Variants in EPHA6 observed in about 807,000 individuals in gnomAD.
EPHA6 encodes ephrin type-A receptor 6.
Under a neutral mutation model 112.0 loss-of-function variants are expected in EPHA6, and 50 were observed. The ratio of observed to expected loss-of-function variants is 0.45; its 90% confidence interval spans 0.36 to 0.56. The LOEUF (loss-of-function observed/expected upper bound fraction) is 0.56, where lower values mean the gene tolerates loss of function less well. Among genes scored for constraint, EPHA6 ranks in the 20% least tolerant of loss-of-function variants. The probability of loss-of-function intolerance (pLI) is 0.00; values close to 1 mark genes in which losing one functional copy is unlikely to be tolerated. For synonymous variants in EPHA6, 529 were observed against 490.7 expected (o/e 1.08, Z -1.03); for missense variants, 1,280 against 1,417.4 (o/e 0.90, Z 1.56).
chr3:97,174,701 A>T (rs995461061), intron 3 of EPHA6, among the ~76,000 whole-genome samples: 6 of 151,814 alleles, frequency 4.0e-5, no homozygotes, highest in African/African-American at 1.4e-4. Context: ...GTCCTCTAAG[A>T]AATGTCTATT....
chr3:96,816,226 G>A (rs946531902), intron 1 of EPHA6, among the ~76,000 whole-genome samples: 9 of 152,100 alleles, frequency 5.9e-5, no homozygotes, highest in Admixed American at 2.0e-4. Flanking sequence ...TTTATACAGT[G>A]GTACTTTGGC....
At chr3:97,489,767 TA>T (rs904617191) in intron 10 of EPHA6, among the ~76,000 whole-genome samples, 7 of 152,214 alleles carry the variant, frequency 4.6e-5, no homozygotes, top group Middle Eastern at 6.8e-3. Context: ...TATTTTTTGT[TA>T]AAAAACTCAA....
rs1221687957 is a variant in EPHA6, at chr3:97,719,079, G to GCC, written c.2785-1175_2785-1174dup. Among the ~76,000 whole-genome samples the GCC allele has an allele frequency of 1.4e-3, 59 of 41,164 alleles. 1 individual carries two copies. Among genetic ancestry groups the GCC allele is most frequent in the African/African-American group, 3.5e-3 (55 of 15,810 alleles). 27.0% of individuals were successfully genotyped at this position (41,164 alleles called of 152,430 possible). On this transcript the variant is annotated intron_variant, in intron 14 of 17. Coordinates refer to ENST00000389672, the MANE Select transcript of EPHA6 (RefSeq NM_001080448.3). ...TCCCATTTTGGATGAATCCGTTCCC[G>GCC]CCCCCCCCACCCCCCCCCCCACCCC...
At chr3:97,219,758 G>T (rs540903775) in intron 3 of EPHA6, among the ~76,000 whole-genome samples, 4 of 152,300 alleles carry the variant, frequency 2.6e-5, no homozygotes, top group South Asian at 2.1e-4. Context: ...CTCCTTGTTA[G>T]TTATGCAAAT....
intron 3 of EPHA6, among the ~76,000 whole-genome samples, chr3:97,187,731 AAG>A (rs904664581): frequency 2.0e-5 from 3 of 149,916 alleles, no homozygotes; most frequent in Non-Finnish European, 3.0e-5. Flanking sequence ...GAAAGAAAGA[AAG>A]AAAGAAAGAA....
At chr3:96,911,905 C>CT (rs919782159) in intron 2 of EPHA6, among the ~76,000 whole-genome samples, 14 of 151,520 alleles carry the variant, frequency 9.2e-5, no homozygotes, top group Admixed American at 2.0e-4. Context: ...AAATTGTTTG[C>CT]TTTTTTTTAC....
At chr3:97,544,317 GTC>G (rs1401728319) in intron 11 of EPHA6, among the ~76,000 whole-genome samples, 3 of 151,952 alleles carry the variant, frequency 2.0e-5, no homozygotes, top group Non-Finnish European at 4.4e-5. Flanking sequence ...GTTGAATTTT[GTC>G]AAAGGCCTTT....
chr3:97,179,095 T>A (rs1020758255), intron 3 of EPHA6, among the ~76,000 whole-genome samples: 1 of 152,084 alleles, frequency 6.6e-6, no homozygotes, highest in Non-Finnish European at 1.5e-5. Context: ...AACTGTGTAT[T>A]TTCAAATAAC....
Position 97,740,603 on chromosome 3 carries a change from A to G in EPHA6, c.3128+4485A>G, listed in dbSNP as rs1209134192. Among the ~76,000 whole-genome samples, 2 of 152,134 alleles carry G rather than the reference A, an allele frequency of 1.3e-5. 1 individual carries two copies. Among genetic ancestry groups the G allele is most frequent in the Admixed American group, 1.3e-4 (2 of 15,264 alleles). ...AACTTTAAAGCACTTAGTTTCCAGT[A>G]ATATGTGAATCATGAAGGTAGGGAA... On this transcript the variant is annotated intron_variant, in intron 16 of 17. Transcript: ENST00000389672.
At chr3:96,868,944 A>C (rs2036482636) in intron 2 of EPHA6, among the ~76,000 whole-genome samples, 2 of 151,976 alleles carry the variant, frequency 1.3e-5, no homozygotes, top group South Asian at 4.1e-4. Context: ...CAGACTGATA[A>C]ATAGTCATTT....
chr3:96,952,774 G>A (rs2041600803), intron 2 of EPHA6, among the ~76,000 whole-genome samples: 1 of 152,040 alleles, frequency 6.6e-6, no homozygotes, highest in Non-Finnish European at 1.5e-5. Context: ...ATCAAATACT[G>A]CATGTTGTCA....
At chr3:97,557,880 T>C (rs2093135404) in intron 11 of EPHA6, among the ~76,000 whole-genome samples, 1 of 151,856 alleles carries the variant, frequency 6.6e-6, no homozygotes, top group Non-Finnish European at 1.5e-5. Context: ...CTCATTATAA[T>C]CCCTTAAGAA....
At chr3:97,500,849 A>G (rs1354331220) in intron 10 of EPHA6, among the ~76,000 whole-genome samples, 1 of 152,192 alleles carries the variant, frequency 6.6e-6, no homozygotes, top group Non-Finnish European at 1.5e-5. Flanking sequence ...TAATTTCTGT[A>G]AAACCTTTAA....
At chr3:97,100,340 A>G (rs1190675797) in intron 3 of EPHA6, among the ~76,000 whole-genome samples, 2 of 151,448 alleles carry the variant, frequency 1.3e-5, no homozygotes, top group Admixed American at 1.3e-4. Flanking sequence ...TTAATGCAAT[A>G]CTATATATTT....
intron 5 of EPHA6, among the ~76,000 whole-genome samples, chr3:97,299,182 G>A (rs1559861439): frequency 1.7e-5 from 2 of 120,660 alleles, no homozygotes; most frequent in Non-Finnish European, 3.2e-5. Context: ...TGATGATCAG[G>A]ATGTGTGTGT....
chr3:97,302,715 C>T (rs924204317), intron 5 of EPHA6, among the ~76,000 whole-genome samples: 1 of 151,844 alleles, frequency 6.6e-6, no homozygotes, highest in African/African-American at 2.4e-5. Flanking sequence ...GTTAAAGGCA[C>T]AGCAAGACTT....
At chr3:97,202,137 C>T (rs2077591361) in intron 3 of EPHA6, among the ~76,000 whole-genome samples, 1 of 151,940 alleles carries the variant, frequency 6.6e-6, no homozygotes, top group Non-Finnish European at 1.5e-5. Flanking sequence ...ATGAATATTG[C>T]CCCTCAGATA....
intron 3 of EPHA6, among the ~76,000 whole-genome samples, chr3:97,157,950 A>G (rs1210567025): frequency 1.3e-5 from 2 of 152,184 alleles, no homozygotes; most frequent in Non-Finnish European, 2.9e-5. Context: ...AAGTTGACAC[A>G]AAAAATTAAT....
chr3:97,378,443 G>T (rs57889880), intron 5 of EPHA6, among the ~76,000 whole-genome samples: 1 of 152,108 alleles, frequency 6.6e-6, no homozygotes, highest in Non-Finnish European at 1.5e-5. Flanking sequence ...AGTCCCTCCC[G>T]GGGCACCACC....
Sources: gnomAD v4.1 joint callset for allele counts (sites outside exome capture counted in the v4.1 genomes callset) on GRCh38, gnomAD v4.1.1 for gene constraint, MANE v1.5 for transcripts, NCBI Gene and HGNC (gene_info 2026-07-23, HGNC 2026-07-21) for gene names.